Variants in FHIP2A observed in about 807,000 individuals in gnomAD.
FHIP2A encodes the protein FHF complex subunit HOOK interacting protein 2A.
FHIP2A carries 46 observed loss-of-function variants against 93.5 expected under a neutral mutation model. That is an observed-to-expected ratio of 0.49 (90% CI 0.39 to 0.63). FHIP2A has a LOEUF of 0.63. Among genes scored for constraint, FHIP2A ranks in the 20% least tolerant of loss-of-function variants. The pLI is 0.00. For synonymous variants in FHIP2A, 332 were observed against 326.5 expected (o/e 1.02, Z -0.18); for missense variants, 769 against 909.7 (o/e 0.85, Z 1.99).
intron 16 of FHIP2A, among the ~76,000 whole-genome samples, chr10:114,875,591 G>A (rs1168841994): frequency 6.6e-6 from 1 of 152,118 alleles, no homozygotes; most frequent in Non-Finnish European, 1.5e-5. Context: ...AGCTACTCAG[G>A]AGGCTGAGAC....
chr10:114,872,917 G>A (rs2083866575), intron 16 of FHIP2A, among the ~76,000 whole-genome samples: 2 of 152,210 alleles, frequency 1.3e-5, no homozygotes, highest in Admixed American at 1.3e-4. Context: ...GCTCAGTTTG[G>A]AAAACAGAAA....
At chr10:114,885,397 GAA>G (rs1177416557) in intron 16 of FHIP2A, among the ~76,000 whole-genome samples, 2 of 95,804 alleles carry the variant, frequency 2.1e-5, no homozygotes, top group Admixed American at 1.2e-4. Context: ...CTCCATCTGA[GAA>G]AAAAAAAAAA....
intron 16 of FHIP2A, among the ~76,000 whole-genome samples, chr10:114,892,586 G>A (rs1034329161): frequency 7.2e-5 from 11 of 151,976 alleles, no homozygotes; most frequent in Middle Eastern, 3.2e-3. Context: ...TGCAGTGAGT[G>A]GAGACGGTGC....
chr10:114,848,701 A>G lies in FHIP2A; in HGVS notation c.1767A>G (p.Thr589=), dbSNP rs756278790. The G allele has an allele frequency of 5.6e-6, 9 of 1,613,546 alleles. No homozygotes were observed. The South Asian group carries it at 9.9e-5, about 18-fold the overall frequency. Residue 589 remains threonine (T), a synonymous_variant, in exon 13 of 17, where the codon ACA becomes ACG. Coordinates refer to ENST00000369248, the MANE Select transcript of FHIP2A (RefSeq NM_020940.4). ...AATCCTCCTACCATGTTGAGGGCAC[A>G]GGATATGACACTTACCTCCGAGACG... is the stretch of plus-strand genomic sequence containing the variant. The part of the protein sequence containing the change: ...DAKSSYHVEG[T]GYDTYLRDAH...
intron 16 of FHIP2A, among the ~76,000 whole-genome samples, chr10:114,893,533 T>G (rs1488473978): frequency 6.6e-6 from 1 of 152,218 alleles, no homozygotes; most frequent in Admixed American, 6.5e-5. Flanking sequence ...GTCAATCTAC[T>G]TATATCCCTG....
At chr10:114,822,260 C>G (rs1449542367) in intron 1 of FHIP2A, 137 bp downstream of exon 1, 1 of 348,290 alleles carries the variant, frequency 2.9e-6, no homozygotes, top group Non-Finnish European at 4.3e-6. Flanking sequence ...AGGCCCCAGG[C>G]GGGCGCCCTG....
intron 16 of FHIP2A, among the ~76,000 whole-genome samples, chr10:114,871,793 T>C (rs2083861474): frequency 1.3e-5 from 2 of 152,190 alleles, no homozygotes; most frequent in Non-Finnish European, 2.9e-5. Flanking sequence ...TCAGGAGATA[T>C]GGCTGGGTGT....
At chr10:114,856,378 A>G (rs920684824) in intron 14 of FHIP2A, among the ~76,000 whole-genome samples, 4 of 152,102 alleles carry the variant, frequency 2.6e-5, no homozygotes, top group Non-Finnish European at 4.4e-5. Context: ...CAACCAAAGT[A>G]TAAAAATCTG....
intron 13 of FHIP2A, among the ~76,000 whole-genome samples, chr10:114,852,993 C>A (rs1244596215): frequency 6.6e-6 from 1 of 152,174 alleles, no homozygotes; most frequent in Non-Finnish European, 1.5e-5. Flanking sequence ...GTGATTTATT[C>A]TTTTTACCCT....
chr10:114,856,337 A>G (rs908107155), intron 14 of FHIP2A, among the ~76,000 whole-genome samples: 2 of 150,752 alleles, frequency 1.3e-5, no homozygotes, highest in Non-Finnish European at 3.0e-5. Context: ...CTGTATTTCT[A>G]GTGTTGCTTG....
At chr10:114,885,804 C>T in intron 16 of FHIP2A, among the ~76,000 whole-genome samples, 1 of 152,182 alleles carries the variant, frequency 6.6e-6, no homozygotes, top group East Asian at 1.9e-4. Flanking sequence ...CTGTCTCTCC[C>T]TCAGCTAGGA....
chr10:114,861,279 C>A lies in FHIP2A; in HGVS notation c.2137C>A (p.Pro713Thr). The stretch of plus-strand genomic sequence containing the variant: ...AATCCAGCGTATTCAAGACTTTACT[C>A]CCAAGCTTCTGTTAGTCAGAAAGCG... ...LRIQRIQDFT[P>T]KLLLVRKRLL... Residue 713 changes from proline to threonine, a missense_variant, in exon 16 of 17, where the codon CCC (proline) becomes ACC (threonine). Transcript: ENST00000369248. 1 of 1,614,138 alleles carries A rather than the reference C, an allele frequency of 6.2e-7. No homozygotes were observed. Among genetic ancestry groups the A allele is most frequent in the Non-Finnish European group, 8.5e-7 (1 of 1,180,018 alleles).
Position 114,864,665 on chromosome 10 carries a change from A to C in FHIP2A, c.*3125A>C, listed in dbSNP as rs1282766067. 1 of 985,412 alleles carries C rather than the reference A, an allele frequency of 1.0e-6. No individual in the cohort carries two copies. Among genetic ancestry groups the C allele is most frequent in the East Asian group, 1.1e-4 (1 of 8,830 alleles). The allele number at this position is 985,412 out of a possible 1,614,324, so 61.0% of individuals were successfully genotyped here. The stretch of plus-strand genomic sequence containing the variant: ...GTTCAACTTTTTGTGCTAACAATGC[A>C]TGCAGGACTAAGAGGGATGATCTAA... On this transcript the variant is annotated 3_prime_UTR_variant, in exon 17 of 17. Transcript: ENST00000369248.
rs1031350365 is a variant in FHIP2A at position 114,822,073 on chromosome 10, G to C, written c.-6G>C. On this transcript the variant is annotated 5_prime_UTR_variant, in exon 1 of 17. Coordinates refer to ENST00000369248, the MANE Select transcript of FHIP2A (RefSeq NM_020940.4). ...CCGGGAGAGGCTGCTGCAGTCCCGG[G>C]ACAGGATGTTCTCCAAGTTCACCTC... 3.7e-6 allele frequency: 5 copies of C among 1,334,936 alleles called. No individual in the cohort carries two copies. The Admixed American group carries it at 1.3e-4, about 36-fold the overall frequency. The allele number at this position is 1,334,936 out of a possible 1,614,324, so 82.7% of individuals were successfully genotyped here.
At chr10:114,855,107 G>A (rs2143012557) in intron 13 of FHIP2A, 90 bp from the exon 14 acceptor site, 1 of 1,402,564 alleles carries the variant, frequency 7.1e-7, no homozygotes, top group South Asian at 1.3e-5. Flanking sequence ...CATTCAAATG[G>A]TTTTTTATAT....
chr10:114,829,533 T>A (rs775720052), intron 1 of FHIP2A, among the ~76,000 whole-genome samples: 1 of 152,240 alleles, frequency 6.6e-6, no homozygotes, highest in Admixed American at 6.5e-5. Flanking sequence ...TTTGTGACCA[T>A]CTTGGTTTTG....
intron 16 of FHIP2A, among the ~76,000 whole-genome samples, chr10:114,893,024 T>G (rs2083983215): frequency 6.6e-6 from 1 of 152,182 alleles, no homozygotes; most frequent in Admixed American, 6.5e-5. Context: ...CTTCTTTTTA[T>G]ATATCTATAT....
At position 114,859,524 on chromosome 10, in the gene FHIP2A, AC is replaced by A. The variant is rs564729673; in HGVS notation, c.1948-1223del. Among the ~76,000 whole-genome samples the A allele has an allele frequency of 2.6e-5, 4 of 152,204 alleles. No homozygotes were observed. The South Asian group carries it at 8.3e-4, about 32-fold the overall frequency. ...CTGCAGTGTCTGTCTCACTCTTGCCACCTGGGTTCTCTGCAGCCTCCTCACT... is the reference window on the plus strand; with the variant it reads ...CTGCAGTGTCTGTCTCACTCTTGCCACTGGGTTCTCTGCAGCCTCCTCACT... On this transcript the variant is annotated intron_variant, in intron 14 of 16. Coordinates refer to ENST00000369248, the MANE Select transcript of FHIP2A (RefSeq NM_020940.4).
intron 1 of FHIP2A, among the ~76,000 whole-genome samples, chr10:114,827,519 C>T (rs948716651): frequency 4.6e-5 from 7 of 152,200 alleles, no homozygotes; most frequent in African/African-American, 9.6e-5. Context: ...AGGCATAGGC[C>T]GGGCCCGGTG....
Sources: allele counts gnomAD v4.1 joint callset (sites outside exome capture counted in the v4.1 genomes callset), GRCh38; gene constraint gnomAD v4.1.1; transcripts MANE v1.5; gene names NCBI Gene and HGNC (gene_info 2026-07-23, HGNC 2026-07-21).